RRN3: variants seen among roughly 807,000 people sequenced by gnomAD.
RRN3 encodes RNA polymerase I-specific transcription initiation factor RRN3.
RRN3 carries 38 observed loss-of-function variants against 82.3 expected under a neutral mutation model. The observed-to-expected ratio is 0.46, with a 90% confidence interval of 0.36 to 0.61. The LOEUF (loss-of-function observed/expected upper bound fraction) is 0.61, where lower values mean the gene tolerates loss of function less well. RRN3 is among the 20% of genes least tolerant of loss of function. The pLI, the probability that RRN3 is intolerant of heterozygous loss-of-function variation, is 0.00. For synonymous variants in RRN3, 284 were observed against 284.3 expected, an observed-to-expected ratio of 1.00 and a Z score of 0.01; for missense variants, 726 against 793.1, an observed-to-expected ratio of 0.92 and a Z score of 1.02.
At chr16:15,082,658 C>G (rs1379539101) in intron 8 of RRN3, among the ~76,000 whole-genome samples, 2 of 151,004 alleles carry the variant, frequency 1.3e-5, no homozygotes, top group Admixed American at 6.6e-5. Flanking sequence ...GGGTGACAGA[C>G]GGAGACTGTC....
Position 15,074,722 on chromosome 16 carries a change from C to G in RRN3, c.997+1G>C. The G allele has an allele frequency of 6.2e-7, 1 of 1,610,612 alleles. No homozygotes were observed. Among genetic ancestry groups the G allele is most frequent in the East Asian group, 2.2e-5 (1 of 44,826 alleles). ...AATAAACAGTAGCTACTGTGATTTA[C>G]CATCTACATAGCAGACATCCTTCAT... On this transcript the variant is annotated splice_donor_variant, in intron 11 of 17. Transcript: ENST00000198767. LOFTEE classifies it high-confidence loss of function.
At chr16:15,091,949 C>T (rs1366520478) in intron 2 of RRN3, among the ~76,000 whole-genome samples, 3 of 152,084 alleles carry the variant, frequency 2.0e-5, no homozygotes, top group Admixed American at 6.6e-5. Flanking sequence ...GAGGCCAAGG[C>T]GGGTGGATCA....
At chr16:15,066,903 A>G (rs1417725783) in intron 15 of RRN3, among the ~76,000 whole-genome samples, 1 of 151,958 alleles carries the variant, frequency 6.6e-6, no homozygotes, top group Non-Finnish European at 1.5e-5. Flanking sequence ...TCCAATGCGC[A>G]TGCCAACCCC....
intron 12 of RRN3, among the ~76,000 whole-genome samples, chr16:15,071,461 T>C (rs904642822): frequency 6.6e-6 from 1 of 152,142 alleles, no homozygotes; most frequent in Non-Finnish European, 1.5e-5. Context: ...ATCCCAAACC[T>C]AGCTAAGCAT....
intron 3 of RRN3, among the ~76,000 whole-genome samples, chr16:15,087,886 G>C (rs1177118166): frequency 6.6e-6 from 1 of 151,996 alleles, no homozygotes; most frequent in Non-Finnish European, 1.5e-5. Flanking sequence ...AGGCCGAGGT[G>C]GGTGGATCAC....
Position 15,065,268 on chromosome 16 carries a change from T to G in RRN3, c.1657A>C (p.Thr553Pro). ...TAGGDSVQIC[T>P]NPLDTFFPFD... is the part of the protein sequence containing the mutation. Reference sequence around the variant, plus strand: ...GGGAAGAAGGTGTCCAGCGGGTTTGTGCAGATCTGCACTGAGTCTCCTCCA... The same window carrying G: ...GGGAAGAAGGTGTCCAGCGGGTTTGGGCAGATCTGCACTGAGTCTCCTCCA... Residue 553 changes from threonine (T) to proline (P), a missense_variant, in exon 16 of 18, where the codon ACA becomes CCA. Physicochemically the swap from Thr to Pro is conservative, Grantham distance 38. Transcript: ENST00000198767. The G allele has an allele frequency of 6.2e-7, 1 of 1,613,898 alleles. No homozygotes were observed. Among genetic ancestry groups the G allele is most frequent in the Non-Finnish European group, 8.5e-7 (1 of 1,179,828 alleles).
intron 7 of RRN3, among the ~76,000 whole-genome samples, chr16:15,084,157 T>A (rs2045819882): frequency 6.6e-6 from 1 of 152,234 alleles, no homozygotes; most frequent in Non-Finnish European, 1.5e-5. Context: ...TTTGCTGACA[T>A]TTCCCACTAC....
chr16:15,094,256 T>G lies in RRN3; in HGVS notation c.-23A>C, dbSNP rs763154726. 1.0e-5 allele frequency: 16 copies of G among 1,544,034 alleles called. No individual in the cohort carries two copies. Among genetic ancestry groups the G allele is most frequent in the East Asian group, 7.2e-5 (3 of 41,950 alleles). On this transcript the variant is annotated 5_prime_UTR_variant, in exon 1 of 18. Transcript: ENST00000198767. Reference sequence around the variant, plus strand: ...CATTGGGCCGAACTAACGCGACCGCTGCGCCTCAGGCCGGATGCCCAGCTC... The same window carrying G: ...CATTGGGCCGAACTAACGCGACCGCGGCGCCTCAGGCCGGATGCCCAGCTC...
intron 10 of RRN3, chr16:15,076,326 G>C (rs904330370): frequency 1.2e-5 from 7 of 597,070 alleles, no homozygotes; most frequent in East Asian, 2.7e-5. Context: ...AAAGTTACAA[G>C]AACAAAAGTG....
intron 1 of RRN3, chr16:15,093,905 G>A (rs1044424923): frequency 5.6e-6 from 3 of 535,210 alleles, no homozygotes; most frequent in Non-Finnish European, 6.5e-6. Context: ...AAATCACGAA[G>A]AGACACAGTC....
chr16:15,064,249 C>G lies in RRN3; in HGVS notation c.1707-966G>C, dbSNP rs542004088. On this transcript the variant is annotated intron_variant, in intron 16 of 17. Transcript: ENST00000198767. ...GGAGTGCATTGGTGCAATCTCGGCT[C>G]ACTGCAACCTCCACCTCCCGGGTTC... 1.8e-4 allele frequency among the ~76,000 whole-genome samples: 27 copies of G among 152,084 alleles called. No homozygotes were observed. In the South Asian group the frequency reaches 5.0e-3, roughly 28 times the overall value.
chr16:15,076,979 A>T (rs2941255), intron 9 of RRN3, among the ~76,000 whole-genome samples: 96,007 of 146,210 alleles, frequency 0.66, 33,114 homozygotes, highest in Middle Eastern at 0.76. Flanking sequence ...CACCCAAATC[A>T]CTTTTTTTTT....
intron 17 of RRN3, 152 bp downstream of exon 17, chr16:15,063,044 G>A: frequency 3.0e-6 from 2 of 675,642 alleles, no homozygotes; most frequent in Non-Finnish European, 5.4e-6. Context: ...GGGTGTCACT[G>A]TGTTGCCCAG....
intron 8 of RRN3, among the ~76,000 whole-genome samples, chr16:15,082,547 T>C (rs975823366): frequency 1.1e-4 from 17 of 151,836 alleles, no homozygotes; most frequent in Admixed American, 3.9e-4. Context: ...GTGCCCCATG[T>C]CTATAGTCCC....
intron 9 of RRN3, among the ~76,000 whole-genome samples, chr16:15,079,000 CAG>C (rs1194730346): frequency 1.3e-5 from 2 of 151,994 alleles, no homozygotes; most frequent in African/African-American, 4.8e-5. Context: ...TTTAGTGAGA[CAG>C]AGTTTCACCA....
Position 15,084,645 on chromosome 16 carries a change from G to A in RRN3, c.593C>T (p.Pro198Leu). The change falls in exon 7 of 18, where the codon CCA (proline) becomes CTA (leucine). Residue 198 changes from proline to leucine, a missense_variant. Pro to Leu is a moderately conservative substitution (Grantham distance 98). Around this residue, in one of 4 missense-constraint regions of RRN3, gnomAD observed 344 missense variants for 394.5 expected, o/e 0.87. Coordinates refer to ENST00000198767, the MANE Select transcript of RRN3 (RefSeq NM_018427.5). ...AAATAAGGAAAAGTATACTCACGAT[G>A]GTACATATCTTGCTATTATTTGCAA... The part of the protein sequence containing the change: ...RALQIIARYV[P>L]STPWFLMPIL... The A allele has an allele frequency of 6.2e-7, 1 of 1,602,304 alleles. No homozygotes were observed. Among genetic ancestry groups the A allele is most frequent in the Non-Finnish European group, 8.6e-7 (1 of 1,169,416 alleles).
At chr16:15,075,622 G>A (rs1205382259) in intron 10 of RRN3, among the ~76,000 whole-genome samples, 1 of 152,058 alleles carries the variant, frequency 6.6e-6, no homozygotes, top group Non-Finnish European at 1.5e-5. Flanking sequence ...ACCTTTCCAG[G>A]CAGGGGTCTC....
Position 15,068,245 on chromosome 16 carries a change from G to A in RRN3, c.1477C>T (p.Arg493Trp), listed in dbSNP as rs181406540. ...GGATTTAGCTGGCTCATCACTATCC[G>A]CTCAAAATTCAGACTCTGAAGATAC... Reference protein sequence around the residue: ...LQYLQSLNFERIVMSQLNPLK... With the variant: ...LQYLQSLNFEWIVMSQLNPLK... Residue 493 changes from arginine (R) to tryptophan (W), a missense_variant, in exon 15 of 18, where the codon CGG becomes TGG. Arg to Trp is a moderately radical substitution (Grantham distance 101, BLOSUM62 -3). Coordinates refer to ENST00000198767, the MANE Select transcript of RRN3 (RefSeq NM_018427.5). 8.9e-6 allele frequency: 14 copies of A among 1,580,782 alleles called. No homozygotes were observed. The highest frequency in any genetic ancestry group is 1.2e-5 in the South Asian group (1 of 85,038).
Position 15,071,465 on chromosome 16 carries a change from T to C in RRN3, c.1129-214A>G, listed in dbSNP as rs1468052231. ...TAATCCAGTGGATCCCAAACCTAGCTAAGCATCACAATCAACCCGGGGCCA... is the reference window on the plus strand; with the variant it reads ...TAATCCAGTGGATCCCAAACCTAGCCAAGCATCACAATCAACCCGGGGCCA... On this transcript the variant is annotated intron_variant, in intron 12 of 17. Transcript: ENST00000198767. Among the ~76,000 whole-genome samples the C allele has an allele frequency of 3.3e-5, 5 of 152,168 alleles. No individual in the cohort carries two copies. In the East Asian group the frequency reaches 9.6e-4, roughly 29 times the overall value.
Sources: gnomAD v4.1 joint callset for allele counts (sites outside exome capture counted in the v4.1 genomes callset) on GRCh38, gnomAD v4.1.1 for gene constraint, gnomAD v4.1.1 regional missense constraint, MANE v1.5 for transcripts, NCBI Gene and HGNC (gene_info 2026-07-23, HGNC 2026-07-21) for gene names.